TRAPPC9: variants seen among roughly 807,000 people sequenced by gnomAD.
TRAPPC9 encodes the protein IKK2 binding protein.
TRAPPC9 carries 83 observed loss-of-function variants against 124.0 expected under a neutral mutation model. The observed-to-expected ratio is 0.67, with a 90% confidence interval of 0.56 to 0.80. The LOEUF is 0.80. Ranked by LOEUF, TRAPPC9 falls within the 30% of genes least tolerant of loss-of-function variation. The pLI, the probability that TRAPPC9 is intolerant of heterozygous loss-of-function variation, is 0.00. For synonymous variants in TRAPPC9, 638 were observed against 617.5 expected, an observed-to-expected ratio of 1.03 and a Z score of -0.49; for missense variants, 1,302 against 1,508.3, an observed-to-expected ratio of 0.86 and a Z score of 2.27.
chr8:140,425,856 C>T (rs1340586598), intron 5 of TRAPPC9, among the ~76,000 whole-genome samples: 1 of 152,184 alleles, frequency 6.6e-6, no homozygotes, highest in Non-Finnish European at 1.5e-5. Flanking sequence ...TCTACACATT[C>T]CACAAACTCC....
chr8:140,204,421 A>G (rs957241980), intron 17 of TRAPPC9, among the ~76,000 whole-genome samples: 1 of 145,092 alleles, frequency 6.9e-6, no homozygotes, highest in Non-Finnish European at 1.5e-5. Context: ...GGAATTGAAC[A>G]ATGAGAACAC....
intron 17 of TRAPPC9, among the ~76,000 whole-genome samples, chr8:140,031,835 A>G (rs890690607): frequency 6.6e-6 from 1 of 152,208 alleles, no homozygotes; most frequent in African/African-American, 2.4e-5. Flanking sequence ...CAAGAGGCCC[A>G]GGAGTCCCGT....
intron 18 of TRAPPC9, among the ~76,000 whole-genome samples, chr8:140,014,365 T>A (rs994795606): frequency 2.0e-5 from 3 of 151,942 alleles, no homozygotes; most frequent in African/African-American, 7.3e-5. Flanking sequence ...AAAAAGCAAA[T>A]CTCAAAGGTA....
In TRAPPC9 at chr8:140,329,202, G is replaced by A. The variant is rs190384256; in HGVS notation, c.1496-17828C>T. Among the ~76,000 whole-genome samples the A allele has an allele frequency of 2.4e-3, 365 of 152,248 alleles. 1 individual carries two copies. Among genetic ancestry groups the A allele is most frequent in the African/African-American group, 8.6e-3 (356 of 41,534 alleles). On this transcript the variant is annotated intron_variant, in intron 9 of 22. Coordinates refer to ENST00000438773, the MANE Select transcript of TRAPPC9 (RefSeq NM_001160372.4). ...GTGAGGGGCAGTGAGAAACACATCT[G>A]GAAAGAATGCTAGAGGTTCGAGATG...
intron 18 of TRAPPC9, among the ~76,000 whole-genome samples, chr8:140,006,818 G>T (rs1293277924): frequency 1.3e-5 from 2 of 152,172 alleles, no homozygotes; most frequent in Non-Finnish European, 2.9e-5. Flanking sequence ...GTTGCCTAGG[G>T]TGCGGGAGGG....
intron 5 of TRAPPC9, among the ~76,000 whole-genome samples, chr8:140,408,407 C>A (rs753689938): frequency 1.3e-5 from 2 of 151,816 alleles, no homozygotes; most frequent in Non-Finnish European, 2.9e-5. Flanking sequence ...ATACAAGGCA[C>A]AAAACTGGAA....
intron 17 of TRAPPC9, among the ~76,000 whole-genome samples, chr8:140,033,647 T>C (rs560380374): frequency 5.0e-4 from 71 of 142,654 alleles, no homozygotes; most frequent in Non-Finnish European, 9.4e-4. Context: ...AATGCAACTC[T>C]TCATAATGTG....
chr8:139,865,565 G>A (rs571012387), intron 21 of TRAPPC9, among the ~76,000 whole-genome samples: 47 of 152,254 alleles, frequency 3.1e-4, no homozygotes, highest in African/African-American at 1.1e-3. Flanking sequence ...GACCTAGGCC[G>A]GGAAGAATGA....
intron 8 of TRAPPC9, among the ~76,000 whole-genome samples, chr8:140,366,347 C>T (rs1464852179): frequency 1.3e-5 from 2 of 152,180 alleles, no homozygotes; most frequent in East Asian, 3.9e-4. Context: ...AACTATAGTA[C>T]TCAAGATAGT....
chr8:140,140,569 C>T (rs369299102), intron 17 of TRAPPC9, among the ~76,000 whole-genome samples: 1 of 152,172 alleles, frequency 6.6e-6, no homozygotes, highest in African/African-American at 2.4e-5. Flanking sequence ...AAGCATCCTC[C>T]CATACAGTGA....
In TRAPPC9 at chr8:140,443,057, C is replaced by T. The variant is rs529314393; in HGVS notation, c.585-3860G>A. ...CTGAGGCAGGAGAATCGCTTGAACCCGGAAGGCAGAGGTTGCAGTGAGCTG... is the reference window on the plus strand; with the variant it reads ...CTGAGGCAGGAGAATCGCTTGAACCTGGAAGGCAGAGGTTGCAGTGAGCTG... On this transcript the variant is annotated intron_variant, in intron 2 of 22. Coordinates refer to ENST00000438773, the MANE Select transcript of TRAPPC9 (RefSeq NM_001160372.4). 8.0e-5 allele frequency among the ~76,000 whole-genome samples: 11 copies of T among 137,204 alleles called. 1 individual carries two copies. The East Asian group carries it at 2.4e-3, about 30-fold the overall frequency. The allele number at this position is 137,204 out of a possible 152,430, so 90.0% of individuals were successfully genotyped here. A position where few individuals can be genotyped will look rare whatever the true frequency, so the allele number is the denominator to read the frequency against.
intron 17 of TRAPPC9, among the ~76,000 whole-genome samples, chr8:140,059,805 C>A (rs1258455960): frequency 6.6e-6 from 1 of 152,174 alleles, no homozygotes; most frequent in Non-Finnish European, 1.5e-5. Context: ...TTCACGTATT[C>A]TTGATAAAAG....
chr8:139,772,419 G>C (rs1025509196), intron 21 of TRAPPC9, among the ~76,000 whole-genome samples: 3 of 152,138 alleles, frequency 2.0e-5, no homozygotes, highest in Non-Finnish European at 4.4e-5. Flanking sequence ...GGACTCATCT[G>C]ACAGTCCCCA....
At chr8:140,020,088 C>T (rs1839741473) in intron 18 of TRAPPC9, among the ~76,000 whole-genome samples, 1 of 151,746 alleles carries the variant, frequency 6.6e-6, no homozygotes, top group African/African-American at 2.4e-5. Flanking sequence ...GTAATGCCAC[C>T]TCTTTCATTC....
chr8:139,893,470 A>G (rs1830475122), intron 20 of TRAPPC9, among the ~76,000 whole-genome samples: 1 of 152,198 alleles, frequency 6.6e-6, no homozygotes, highest in South Asian at 2.1e-4. Flanking sequence ...TGATCCAGCA[A>G]TGCTGCAGTT....
chr8:139,929,195 C>T (rs889986395), intron 19 of TRAPPC9, among the ~76,000 whole-genome samples: 1 of 152,236 alleles, frequency 6.6e-6, no homozygotes, highest in African/African-American at 2.4e-5. Context: ...ATATACTTTT[C>T]TGTCACTTTC....
intron 18 of TRAPPC9, among the ~76,000 whole-genome samples, chr8:140,017,697 A>G (rs527572113): frequency 6.6e-6 from 1 of 152,258 alleles, no homozygotes; most frequent in South Asian, 2.1e-4. Context: ...TTATTTGTCT[A>G]TTCTAGGTCT....
intron 9 of TRAPPC9, among the ~76,000 whole-genome samples, chr8:140,329,296 T>C (rs1293223407): frequency 1.3e-5 from 2 of 152,122 alleles, no homozygotes; most frequent in East Asian, 1.9e-4. Context: ...GAGAGAAACA[T>C]CTGTTGGGAT....
intron 21 of TRAPPC9, among the ~76,000 whole-genome samples, chr8:139,841,035 T>C (rs1293450363): frequency 6.6e-6 from 1 of 152,212 alleles, no homozygotes; most frequent in Non-Finnish European, 1.5e-5. Context: ...GCTAGAAGTA[T>C]GAAAGCGGCC....
Sources: allele counts gnomAD v4.1 joint callset (sites outside exome capture counted in the v4.1 genomes callset), GRCh38; gene constraint gnomAD v4.1.1; transcripts MANE v1.5; gene names NCBI Gene and HGNC (gene_info 2026-07-23, HGNC 2026-07-21).